Variants in SANBR observed in about 807,000 individuals in gnomAD.
SANBR encodes SANT and BTB domain regulator of CSR, also known as SANT and BTB domain regulator of class switch recombination.
Under a neutral mutation model 101.8 loss-of-function variants are expected in SANBR, and 77 were observed. The ratio of observed to expected loss-of-function variants is 0.76; its 90% confidence interval spans 0.63 to 0.91. The LOEUF (loss-of-function observed/expected upper bound fraction) is 0.91, where lower values mean the gene tolerates loss of function less well. Ranked by LOEUF, SANBR falls within the 40% of genes least tolerant of loss-of-function variation. SANBR has a pLI of 0.00. For missense variants in SANBR, 875 were observed against 853.0 expected (o/e 1.03, Z -0.32); for synonymous variants, 279 against 274.7 (o/e 1.02, Z -0.15).
chr2:61,079,770 G>A (rs551079184), intron 6 of SANBR, among the ~76,000 whole-genome samples: 36 of 152,160 alleles, frequency 2.4e-4, no homozygotes, highest in African/African-American at 7.2e-4. Context: ...GCCTGGTGGC[G>A]TGTGCCTGTA....
At position 61,114,787 on chromosome 2, in the gene SANBR, C is replaced by T. The variant is rs374815077; in HGVS notation, c.1745-1192C>T. Among the ~76,000 whole-genome samples the T allele has an allele frequency of 5.9e-5, 9 of 152,148 alleles. No individual in the cohort carries two copies. The East Asian group carries it at 1.5e-3, about 26-fold the overall frequency. ...TCTCCCACCCAAGCCTCCTGAGTAG[C>T]TGGGACCACAGGTGTGCACCACCAT... On this transcript the variant is annotated intron_variant, in intron 16 of 21. Coordinates refer to ENST00000402291, the MANE Select transcript of SANBR (RefSeq NM_001129993.3).
At chr2:61,118,376 G>C (rs967407533) in intron 20 of SANBR, among the ~76,000 whole-genome samples, 2 of 151,898 alleles carry the variant, frequency 1.3e-5, no homozygotes, top group Admixed American at 6.6e-5. Flanking sequence ...CAAATAGCTG[G>C]GTTACAGGCA....
Position 61,083,144 on chromosome 2 carries a change from G to A in SANBR, c.730-10G>A, listed in dbSNP as rs1210284727. 7.5e-6 allele frequency: 12 copies of A among 1,591,488 alleles called. No individual in the cohort carries two copies. The highest frequency in any genetic ancestry group is 9.4e-6 in the Non-Finnish European group (11 of 1,164,992). ...ACTATTTTCGACATTTATTTTCTAT[G>A]ATTTTTTAGGTTGAACAGTGTATTC... is the stretch of plus-strand genomic sequence containing the variant. On this transcript the variant is annotated splice_polypyrimidine_tract_variant and intron_variant, in intron 7 of 21. Coordinates refer to ENST00000402291, the MANE Select transcript of SANBR (RefSeq NM_001129993.3).
At position 61,109,271 on chromosome 2, in the gene SANBR, TGAA is replaced by T. The variant is rs748930367; in HGVS notation, c.1727_1729del (p.Glu576del). On this transcript the variant is annotated inframe_deletion, in exon 16 of 22. Coordinates refer to ENST00000402291, the MANE Select transcript of SANBR (RefSeq NM_001129993.3). ...AGGTCACTGAAGATGAAGTTGGAGA[TGAA>T]GAAGAAGTATCCAAGAAACAAAGTA... 37 of 1,574,560 alleles carry T rather than the reference TGAA, an allele frequency of 2.3e-5. No individual in the cohort carries two copies. The highest frequency in any genetic ancestry group is 2.9e-5 in the Non-Finnish European group (34 of 1,156,074).
chr2:61,123,231 C>T lies in SANBR; in HGVS notation c.*1069C>T. 2 of 969,342 alleles carry T rather than the reference C, an allele frequency of 2.1e-6. No individual in the cohort carries two copies. Among genetic ancestry groups the T allele is most frequent in the Non-Finnish European group, 2.5e-6 (2 of 815,242 alleles). 60.0% of individuals were successfully genotyped at this position (969,342 alleles called of 1,614,324 possible). A position where few individuals can be genotyped will look rare whatever the true frequency, so the allele number is the denominator to read the frequency against. On this transcript the variant is annotated 3_prime_UTR_variant, in exon 22 of 22. Transcript: ENST00000402291. ...TAGGTCTCTGAAAAACTTTAAGATG[C>T]ACTGTTTCTATTTTTTTAAGTCTTA...
rs148422258 is a variant in SANBR at position 61,103,970 on chromosome 2, G to C, written c.1483G>C (p.Val495Leu). 9.3e-6 allele frequency: 15 copies of C among 1,614,028 alleles called. No homozygotes were observed. Among genetic ancestry groups the C allele is most frequent in the African/African-American group, 2.7e-5 (2 of 74,942 alleles). ...TTTGCACAAGTACAGAGATGTCATT[G>C]TTGTGCCTTTTTCAAAAGATACAGT... ...DDLHKYRDVI[V>L]VPFSKDTVSD... The change falls in exon 13 of 22, where the codon GTT becomes CTT. Residue 495 changes from valine to leucine, a missense_variant. By Grantham distance (32) the Val-to-Leu change is conservative. Transcript: ENST00000402291.
chr2:61,094,907 A>G (rs1682957065), intron 11 of SANBR, among the ~76,000 whole-genome samples: 1 of 152,118 alleles, frequency 6.6e-6, no homozygotes, highest in African/African-American at 2.4e-5. Flanking sequence ...GGCCTCCCAA[A>G]GTGCTGGGAT....
intron 4 of SANBR, among the ~76,000 whole-genome samples, chr2:61,073,139 G>C (rs910588823): frequency 3.3e-5 from 5 of 152,140 alleles, no homozygotes; most frequent in Admixed American, 3.3e-4. Flanking sequence ...CAGCGGCAGA[G>C]TATTGATGTA....
chr2:61,104,138 AGCT>A, intron 13 of SANBR, 140 bp downstream of exon 13: 1 of 711,294 alleles, frequency 1.4e-6, no homozygotes, highest in Non-Finnish European at 2.3e-6. Flanking sequence ...ATTATATGTT[AGCT>A]TACAGTAAGA....
Position 61,123,350 on chromosome 2 carries a change from G to T in SANBR, c.*1188G>T. The T allele has an allele frequency of 1.0e-6, 1 of 975,066 alleles. No homozygotes were observed. Among genetic ancestry groups the T allele is most frequent in the Non-Finnish European group, 1.2e-6 (1 of 820,506 alleles). The allele number at this position is 975,066 out of a possible 1,614,324, so 60.4% of individuals were successfully genotyped here. On this transcript the variant is annotated 3_prime_UTR_variant, in exon 22 of 22. Coordinates refer to ENST00000402291, the MANE Select transcript of SANBR (RefSeq NM_001129993.3). Reference sequence around the variant, plus strand: ...GCAATTTCCATTGAAATATTGAAGTGTTACACTCAGTTTACACGTACAGAA... The same window carrying T: ...GCAATTTCCATTGAAATATTGAAGTTTTACACTCAGTTTACACGTACAGAA...
chr2:61,116,005 A>G lies in SANBR; in HGVS notation c.1771A>G (p.Thr591Ala). The G allele has an allele frequency of 6.2e-7, 1 of 1,612,530 alleles. No homozygotes were observed. Among genetic ancestry groups the G allele is most frequent in the Admixed American group, 1.7e-5 (1 of 59,670 alleles). The change falls in exon 17 of 22, where the codon ACT becomes GCT. Residue 591 changes from threonine to alanine, a missense_variant. Coordinates refer to ENST00000402291, the MANE Select transcript of SANBR (RefSeq NM_001129993.3). ...GAAAAAGGAGAAGCCAAAGAAGTTCACTAGACAACCAAAAAAGCAGGTATC... is the reference window on the plus strand; with the variant it reads ...GAAAAAGGAGAAGCCAAAGAAGTTCGCTAGACAACCAAAAAAGCAGGTATC... ...QRKKEKPKKFTRQPKKQVSSP... is the reference protein window; with the variant it reads ...QRKKEKPKKFARQPKKQVSSP...
rs750997096 is a variant in SANBR at position 61,073,511 on chromosome 2, A to G, written c.391A>G (p.Thr131Ala). ...TTGTTCTTCAGAAAGTGAAAATTGT[A>G]CTACTCATAATGGTGGAGAAATGAC... is the stretch of plus-strand genomic sequence containing the variant. ...RNCSSESENC[T>A]THNGGEMTEE... is the part of the protein sequence containing the mutation. The change falls in exon 5 of 22, where the codon ACT (threonine) becomes GCT (alanine). Residue 131 changes from threonine to alanine, a missense_variant. Coordinates refer to ENST00000402291, the MANE Select transcript of SANBR (RefSeq NM_001129993.3). 45 of 1,589,538 alleles carry G rather than the reference A, an allele frequency of 2.8e-5. No individual in the cohort carries two copies. Among genetic ancestry groups the G allele is most frequent in the South Asian group, 6.8e-5 (6 of 87,762 alleles).
intron 11 of SANBR, 71 bp from the exon 12 acceptor site, chr2:61,097,629 G>A (rs1232257235): frequency 1.7e-6 from 2 of 1,168,302 alleles, no homozygotes; most frequent in South Asian, 1.5e-5. Context: ...ATAATATTTG[G>A]TCTTAAGTAT....
chr2:61,088,848 A>G lies in SANBR; in HGVS notation c.1088+380A>G, dbSNP rs922558413. On this transcript the variant is annotated intron_variant, in intron 10 of 21. Transcript: ENST00000402291. The stretch of plus-strand genomic sequence containing the variant: ...TTTTTTTTAAATGTGAATTTCTAGC[A>G]TATTTATAAAAATATAACTACTTTT... 3 of 970,724 alleles carry G rather than the reference A, an allele frequency of 3.1e-6. No homozygotes were observed. In the African/African-American group the frequency reaches 5.3e-5, roughly 17 times the overall value. The allele number at this position is 970,724 out of a possible 1,614,324, so 60.1% of individuals were successfully genotyped here. A position where few individuals can be genotyped will look rare whatever the true frequency, so the allele number is the denominator to read the frequency against.
chr2:61,128,866 G>T (rs944396569), downstream of SANBR, among the ~76,000 whole-genome samples: 1 of 152,090 alleles, frequency 6.6e-6, no homozygotes, highest in African/African-American at 2.4e-5. Context: ...GGAGGCTTAG[G>T]TGGGAGGATC....
Position 61,068,967 on chromosome 2 carries a change from T to G in SANBR, c.-28T>G, listed in dbSNP as rs927528092. On this transcript the variant is annotated 5_prime_UTR_variant, in exon 2 of 22. Coordinates refer to ENST00000402291, the MANE Select transcript of SANBR (RefSeq NM_001129993.3). ...GAGTCTGCACACTTAACCACTCCAC[T>G]ATTCTGGCCTTCTACAAGGTACATC... The G allele has an allele frequency of 6.6e-6, 1 of 152,384 alleles. No individual in the cohort carries two copies. Among genetic ancestry groups the G allele is most frequent in the African/African-American group, 2.4e-5 (1 of 41,456 alleles). 9.4% of individuals were successfully genotyped at this position (152,384 alleles called of 1,614,324 possible). A position where few individuals can be genotyped will look rare whatever the true frequency, so the allele number is the denominator to read the frequency against.
intron 5 of SANBR, among the ~76,000 whole-genome samples, chr2:61,075,702 TTA>T: frequency 6.6e-6 from 1 of 152,064 alleles, no homozygotes; most frequent in East Asian, 1.9e-4. Flanking sequence ...TTAACTACAT[TTA>T]TTAATTTATA....
rs1684442789 is a variant in SANBR, at chr2:61,124,122, T to C, written c.*1960T>C. 2.1e-6 allele frequency: 2 copies of C among 973,228 alleles called. No individual in the cohort carries two copies. The highest frequency in any genetic ancestry group is 3.5e-5 in the African/African-American group (2 of 57,006). 60.3% of individuals were successfully genotyped at this position (973,228 alleles called of 1,614,324 possible). On this transcript the variant is annotated 3_prime_UTR_variant, in exon 22 of 22. Transcript: ENST00000402291. ...TTTAAAACAAAAAAAGAATGTGTTT[T>C]TAATTTTGTTAATGTTTGTCTGTTA...
In SANBR at chr2:61,106,618, G is replaced by C. The variant is rs746795323; in HGVS notation, c.1567G>C (p.Glu523Gln). ...GGGTATAGAATGTGATGTTTTACTGGAGCCAAATACACCATGGGGTCCCAA... is the reference window on the plus strand; with the variant it reads ...GGGTATAGAATGTGATGTTTTACTGCAGCCAAATACACCATGGGGTCCCAA... ...EKGIECDVLL[E>Q]PNTPWGPKTG... is the part of the protein sequence containing the mutation. Residue 523 changes from glutamate (E) to glutamine (Q), a missense_variant, in exon 14 of 22, where the codon GAG (glutamate) becomes CAG (glutamine). By Grantham distance (29) the Glu-to-Gln change is conservative (BLOSUM62 2). Transcript: ENST00000402291. 6.2e-7 allele frequency: 1 copy of C among 1,601,096 alleles called. No homozygotes were observed.
Sources: allele counts gnomAD v4.1 joint callset (sites outside exome capture counted in the v4.1 genomes callset), GRCh38; gene constraint gnomAD v4.1.1; transcripts MANE v1.5; gene names NCBI Gene and HGNC (gene_info 2026-07-23, HGNC 2026-07-21).